KATNA1: variants seen among roughly 807,000 people sequenced by gnomAD.
KATNA1 encodes katanin p60 ATPase-containing subunit A1.
In KATNA1, 42 loss-of-function variants were observed where a neutral mutation model predicts 62.6. The observed-to-expected ratio is 0.67, with a 90% CI of 0.52 to 0.87. The LOEUF is 0.87. Ranked by LOEUF, KATNA1 falls within the 40% of genes least tolerant of loss-of-function variation. The pLI is 0.00. For missense variants in KATNA1, 498 were observed against 612.5 expected, an observed-to-expected ratio of 0.81 and a Z score of 1.97; for synonymous variants, 186 against 201.9, an observed-to-expected ratio of 0.92 and a Z score of 0.67.
intron 8 of KATNA1, among the ~76,000 whole-genome samples, chr6:149,597,893 T>C (rs955748619): frequency 1.3e-5 from 2 of 152,194 alleles, no homozygotes; most frequent in Middle Eastern, 6.3e-3. Context: ...CATAACAATT[T>C]TAAATCTTTT....
At chr6:149,633,424 T>A (rs762188127) in intron 2 of KATNA1, among the ~76,000 whole-genome samples, 1 of 152,086 alleles carries the variant, frequency 6.6e-6, no homozygotes, top group African/African-American at 2.4e-5. Flanking sequence ...GCAAAATTAA[T>A]TCTGATAAAA....
intron 9 of KATNA1, 56 bp downstream of exon 9, chr6:149,597,451 T>C (rs753322660): frequency 3.8e-6 from 6 of 1,590,490 alleles, no homozygotes; most frequent in Non-Finnish European, 5.1e-6. Flanking sequence ...TTAAATTCTC[T>C]AAACAAAACT....
chr6:149,643,244 C>T (rs1780357721), intron 1 of KATNA1, among the ~76,000 whole-genome samples: 1 of 152,188 alleles, frequency 6.6e-6, no homozygotes, highest in Non-Finnish European at 1.5e-5. Context: ...GTGAATCTTT[C>T]CTCACTAGAG....
rs1414691609 is a variant in KATNA1, at chr6:149,594,890, T to C, written c.*146A>G. 6 of 575,174 alleles carry C rather than the reference T, an allele frequency of 1.0e-5. No homozygotes were observed. Among genetic ancestry groups the C allele is most frequent in the Non-Finnish European group, 1.7e-5 (6 of 347,050 alleles). 35.6% of individuals were successfully genotyped at this position (575,174 alleles called of 1,614,324 possible). A position where few individuals can be genotyped will look rare whatever the true frequency, so the allele number is the denominator to read the frequency against. On this transcript the variant is annotated 3_prime_UTR_variant, in exon 11 of 11. Transcript: ENST00000367411. ...AAAACAAATTTTCAGCTTAAAAATA[T>C]TGCCTTTATTCAGAATCATAAGGGT...
At chr6:149,630,203 T>C (rs935534059) in intron 3 of KATNA1, among the ~76,000 whole-genome samples, 5 of 152,266 alleles carry the variant, frequency 3.3e-5, no homozygotes, top group Non-Finnish European at 7.3e-5. Flanking sequence ...AGTGAACTAT[T>C]ATGTACTATA....
chr6:149,636,973 T>C (rs1468870051), intron 2 of KATNA1, among the ~76,000 whole-genome samples: 3 of 151,990 alleles, frequency 2.0e-5, no homozygotes, highest in African/African-American at 7.2e-5. Context: ...TTTTCCTCTT[T>C]GACATAGTTG....
chr6:149,638,662 T>A, intron 1 of KATNA1, 102 bp from the exon 2 acceptor site: 1 of 594,162 alleles, frequency 1.7e-6, no homozygotes, highest in Non-Finnish European at 2.8e-6. Context: ...CAAGAAACAA[T>A]CACACATACC....
At chr6:149,630,972 T>C (rs1406013411) in intron 3 of KATNA1, among the ~76,000 whole-genome samples, 1 of 152,204 alleles carries the variant, frequency 6.6e-6, no homozygotes, top group Non-Finnish European at 1.5e-5. Flanking sequence ...TACCCAACCT[T>C]ATTGTACCTC....
At chr6:149,644,870 G>A (rs1400583694) in intron 1 of KATNA1, among the ~76,000 whole-genome samples, 1 of 152,070 alleles carries the variant, frequency 6.6e-6, no homozygotes, top group Non-Finnish European at 1.5e-5. Context: ...ATTAACAAAT[G>A]ACTTGAAAAA....
Position 149,638,623 on chromosome 6 carries a change from T to C in KATNA1, c.-13-63A>G, listed in dbSNP as rs529137928. 49 of 1,211,010 alleles carry C rather than the reference T, an allele frequency of 4.0e-5. No individual in the cohort carries two copies. The East Asian group carries it at 1.1e-3, about 28-fold the overall frequency. 75.0% of individuals were successfully genotyped at this position (1,211,010 alleles called of 1,614,324 possible). A position where few individuals can be genotyped will look rare whatever the true frequency, so the allele number is the denominator to read the frequency against. On this transcript the variant is annotated intron_variant, in intron 1 of 10. Transcript: ENST00000367411. The stretch of plus-strand genomic sequence containing the variant: ...ACATGTCTCTTAAAAATAAGTATAG[T>C]TATTAAAAAATACTTTCCAGGGCTC...
At chr6:149,633,805 G>A (rs1335709415) in intron 2 of KATNA1, among the ~76,000 whole-genome samples, 1 of 151,502 alleles carries the variant, frequency 6.6e-6, no homozygotes, top group African/African-American at 2.4e-5. Context: ...TATTTAAATT[G>A]CATAGCCGGG....
intron 4 of KATNA1, among the ~76,000 whole-genome samples, chr6:149,618,040 A>G (rs1475860803): frequency 1.3e-5 from 2 of 148,898 alleles, no homozygotes; most frequent in Non-Finnish European, 3.0e-5. Context: ...CTGTAGTCCC[A>G]GCTACTCGGC....
At chr6:149,611,792 G>T (rs745661442) in intron 4 of KATNA1, among the ~76,000 whole-genome samples, 5 of 152,082 alleles carry the variant, frequency 3.3e-5, no homozygotes, top group Non-Finnish European at 5.9e-5. Flanking sequence ...GAGGTCAGGA[G>T]ATCGAGACCA....
chr6:149,620,009 C>CA (rs1779331601), intron 4 of KATNA1, among the ~76,000 whole-genome samples: 1 of 152,018 alleles, frequency 6.6e-6, no homozygotes, highest in Admixed American at 6.6e-5. Flanking sequence ...TACGTAACCA[C>CA]AAAAAAGAAT....
chr6:149,639,746 T>C (rs958746577), intron 1 of KATNA1, among the ~76,000 whole-genome samples: 1 of 152,162 alleles, frequency 6.6e-6, no homozygotes, highest in Non-Finnish European at 1.5e-5. Context: ...AAATAAACTC[T>C]CCCTCCTCTA....
chr6:149,603,811 A>T (rs1778637764), intron 5 of KATNA1, among the ~76,000 whole-genome samples: 1 of 152,234 alleles, frequency 6.6e-6, no homozygotes, highest in South Asian at 2.1e-4. Context: ...AGCTTTACTA[A>T]GAGGTAGATG....
intron 2 of KATNA1, among the ~76,000 whole-genome samples, chr6:149,637,307 G>A (rs1440413989): frequency 2.0e-5 from 3 of 152,082 alleles, no homozygotes; most frequent in Non-Finnish European, 2.9e-5. Flanking sequence ...ACCCACTCAG[G>A]AGGCTGAGGT....
intron 3 of KATNA1, chr6:149,631,555 C>CAAAAAAAAAA (rs1180415247): frequency 1.2e-5 from 1 of 84,450 alleles, no homozygotes; most frequent in African/African-American, 7.3e-5. Flanking sequence ...CTTAAAAAAA[C>CAAAAAAAAAA]AAAAAAAACA....
intron 4 of KATNA1, among the ~76,000 whole-genome samples, chr6:149,618,956 C>T (rs1025366500): frequency 2.6e-5 from 4 of 152,078 alleles, no homozygotes; most frequent in Non-Finnish European, 4.4e-5. Flanking sequence ...GCACAGGCAA[C>T]AAAAGCAAAA....
Sources: allele counts gnomAD v4.1 joint callset (sites outside exome capture counted in the v4.1 genomes callset), GRCh38; gene constraint gnomAD v4.1.1; transcripts MANE v1.5; gene names NCBI Gene and HGNC (gene_info 2026-07-23, HGNC 2026-07-21).